Variants in SLX4IP observed in about 807,000 individuals in gnomAD.
SLX4IP encodes SLX4 interacting protein, also known as protein SLX4IP.
In SLX4IP, 34 loss-of-function variants were observed where a neutral mutation model predicts 32.9. The observed-to-expected ratio is 1.03, with a 90% CI of 0.79 to 1.38. The LOEUF (loss-of-function observed/expected upper bound fraction) is 1.38. Ranked by LOEUF, SLX4IP falls within the 40% of genes most tolerant of loss-of-function variation. SLX4IP has a pLI of 0.00. For synonymous variants in SLX4IP, 172 were observed against 171.7 expected (o/e 1.00, Z -0.01); for missense variants, 444 against 479.0 (o/e 0.93, Z 0.68).
At chr20:10,581,777 C>G (rs775798446) in intron 4 of SLX4IP, among the ~76,000 whole-genome samples, 10 of 151,978 alleles carry the variant, frequency 6.6e-5, no homozygotes, top group Non-Finnish European at 1.3e-4. Flanking sequence ...TTTTAATTAG[C>G]TGAGTGTGGT....
chr20:10,571,057 T>C (rs898576395), intron 4 of SLX4IP, among the ~76,000 whole-genome samples: 1 of 152,144 alleles, frequency 6.6e-6, no homozygotes, highest in Non-Finnish European at 1.5e-5. Context: ...GGTCTAGAAC[T>C]CCTGGGCTTA....
intron 1 of SLX4IP, among the ~76,000 whole-genome samples, chr20:10,457,254 G>C (rs2065292329): frequency 6.6e-6 from 1 of 152,076 alleles, no homozygotes; most frequent in African/African-American, 2.4e-5. Flanking sequence ...ATGATGAAAA[G>C]AAGTGGCAAG....
intron 4 of SLX4IP, among the ~76,000 whole-genome samples, chr20:10,566,138 T>C (rs931600360): frequency 6.6e-6 from 1 of 152,148 alleles, no homozygotes; most frequent in Non-Finnish European, 1.5e-5. Flanking sequence ...ATTCCCTGTG[T>C]TCTTCGCCTG....
chr20:10,622,076 T>C (rs1156586632), intron 7 of SLX4IP, among the ~76,000 whole-genome samples: 1 of 152,232 alleles, frequency 6.6e-6, no homozygotes, highest in African/African-American at 2.4e-5. Flanking sequence ...ACGATTGTAT[T>C]TTATTGCCTT....
intron 4 of SLX4IP, among the ~76,000 whole-genome samples, chr20:10,588,494 C>T (rs945562641): frequency 2.6e-5 from 4 of 152,042 alleles, no homozygotes; most frequent in Admixed American, 6.6e-5. Context: ...AGCAGTCTCA[C>T]GTCTGGGTAT....
intron 4 of SLX4IP, among the ~76,000 whole-genome samples, chr20:10,580,296 C>T (rs770897936): frequency 3.9e-5 from 6 of 152,022 alleles, no homozygotes; most frequent in African/African-American, 4.8e-5. Flanking sequence ...GAACTCTAGG[C>T]GTCAGTCTAC....
chr20:10,583,497 A>G (rs920807849), intron 4 of SLX4IP, among the ~76,000 whole-genome samples: 7 of 152,296 alleles, frequency 4.6e-5, no homozygotes, highest in Non-Finnish European at 8.8e-5. Context: ...AAGCGGGTCA[A>G]ATGTCCTCTG....
At chr20:10,540,564 T>A (rs551190688) in intron 2 of SLX4IP, among the ~76,000 whole-genome samples, 5 of 152,304 alleles carry the variant, frequency 3.3e-5, no homozygotes, top group African/African-American at 1.2e-4. Flanking sequence ...TCCCTCCCAC[T>A]CTTTTCAGCC....
chr20:10,507,938 G>GATATATATACACATATGTGTATATTTGAT (rs1568714614), intron 2 of SLX4IP, among the ~76,000 whole-genome samples: 5 of 150,776 alleles, frequency 3.3e-5, no homozygotes, highest in East Asian at 3.9e-4. Context: ...GTATATTTGA[G>GATATATATACACATATGTGTATATTTGAT]ATATATATAC....
chr20:10,528,595 C>T (rs542915288), intron 2 of SLX4IP, among the ~76,000 whole-genome samples: 1 of 152,242 alleles, frequency 6.6e-6, no homozygotes, highest in East Asian at 1.9e-4. Flanking sequence ...AAAAAAAATT[C>T]CTAGGAATGT....
chr20:10,446,650 A>T (rs1409632134), intron 1 of SLX4IP, among the ~76,000 whole-genome samples: 1 of 151,656 alleles, frequency 6.6e-6, no homozygotes, highest in East Asian at 1.9e-4. Flanking sequence ...ATTGTTTTTT[A>T]TTTGTCTTTC....
chr20:10,618,417 TAGG>T (rs371529128), intron 6 of SLX4IP, among the ~76,000 whole-genome samples: 15 of 152,154 alleles, frequency 9.9e-5, no homozygotes, highest in African/African-American at 3.1e-4. Context: ...TAAAACAAAA[TAGG>T]AGGTAGGGTG....
intron 2 of SLX4IP, among the ~76,000 whole-genome samples, chr20:10,486,007 G>A: frequency 6.6e-6 from 1 of 152,036 alleles, no homozygotes; most frequent in East Asian, 1.9e-4. Flanking sequence ...ATAGGCAGGA[G>A]AGGCAGGCAC....
chr20:10,560,613 G>T, intron 3 of SLX4IP, 87 bp from the exon 4 acceptor site: 1 of 1,024,562 alleles, frequency 9.8e-7, no homozygotes, highest in South Asian at 2.6e-5. Context: ...AAAATGAAAT[G>T]AAATGTTCAT....
In SLX4IP at chr20:10,614,090, G is replaced by A. The variant is rs1034468002; in HGVS notation, c.406-7224G>A. ...TGTCGCCCTCGCCCACCCGGTCCAG[G>A]TGTACCTGCAGGGACACCTTGTGGT... On this transcript the variant is annotated intron_variant, in intron 6 of 7. Transcript: ENST00000334534. 19 of 1,539,092 alleles carry A rather than the reference G, an allele frequency of 1.2e-5. No homozygotes were observed. In the Admixed American group the frequency reaches 1.3e-4, roughly 10 times the overall value.
At chr20:10,458,376 TAAGTTCTGGGGCA>T (rs2065306040) in intron 2 of SLX4IP, 145 bp downstream of exon 2, 1 of 615,378 alleles carries the variant, frequency 1.6e-6, no homozygotes, top group Non-Finnish European at 2.7e-6. Context: ...CTTCAACTTT[TAAGTTCTGGGGCA>T]TGTGTGCAGG....
At chr20:10,619,479 A>G (rs1370134979) in intron 6 of SLX4IP, among the ~76,000 whole-genome samples, 5 of 152,172 alleles carry the variant, frequency 3.3e-5, no homozygotes, top group African/African-American at 1.2e-4. Context: ...ATTTAATACG[A>G]GATTTGAAAG....
At chr20:10,484,094 T>C (rs1278954092) in intron 2 of SLX4IP, among the ~76,000 whole-genome samples, 1 of 152,150 alleles carries the variant, frequency 6.6e-6, no homozygotes, top group Admixed American at 6.6e-5. Flanking sequence ...AGATCTTCAT[T>C]TCCTTAGGAA....
chr20:10,523,102 T>C (rs1259681673), intron 2 of SLX4IP, among the ~76,000 whole-genome samples: 1 of 152,150 alleles, frequency 6.6e-6, no homozygotes, highest in Non-Finnish European at 1.5e-5. Flanking sequence ...GATCAAATTG[T>C]TCCTCTGTAG....
Sources: gnomAD v4.1 joint callset for allele counts (sites outside exome capture counted in the v4.1 genomes callset) on GRCh38, gnomAD v4.1.1 for gene constraint, MANE v1.5 for transcripts, NCBI Gene and HGNC (gene_info 2026-07-23, HGNC 2026-07-21) for gene names.